Variants in RALYL observed in about 807,000 individuals in gnomAD.
RALYL encodes the protein RALY RNA binding protein like, also known as RNA-binding Raly-like protein.
Under a neutral mutation model 35.1 loss-of-function variants are expected in RALYL, and 29 were observed. That is an observed-to-expected ratio of 0.83 (90% CI 0.61 to 1.13). RALYL has a LOEUF of 1.13. Among genes scored for constraint, RALYL ranks in the 50% most tolerant of loss-of-function variants. The pLI, the probability that RALYL is intolerant of heterozygous loss-of-function variation, is 0.00. For synonymous variants in RALYL, 120 were observed against 127.6 expected, an observed-to-expected ratio of 0.94 and a Z score of 0.40; for missense variants, 359 against 360.4, an observed-to-expected ratio of 1.00 and a Z score of 0.03.
chr8:84,562,910 T>G (rs1359487270), intron 2 of RALYL, among the ~76,000 whole-genome samples: 1 of 151,932 alleles, frequency 6.6e-6, no homozygotes, highest in Non-Finnish European at 1.5e-5. Context: ...ATATGTGCAT[T>G]ATAGAAGCCT....
At chr8:84,831,339 G>A (rs1370712305) in intron 4 of RALYL, among the ~76,000 whole-genome samples, 1 of 151,684 alleles carries the variant, frequency 6.6e-6, no homozygotes, top group Non-Finnish European at 1.5e-5. Flanking sequence ...GAATTTTTGT[G>A]GGAAAGGATT....
chr8:84,322,306 A>G (rs2130436432), intron 1 of RALYL, among the ~76,000 whole-genome samples: 1 of 152,260 alleles, frequency 6.6e-6, no homozygotes, highest in South Asian at 2.1e-4. Context: ...GGAAAGTGAT[A>G]GAGGAGAAGA....
chr8:84,461,730 T>C (rs1354109892), intron 1 of RALYL, among the ~76,000 whole-genome samples: 5 of 151,796 alleles, frequency 3.3e-5, no homozygotes, highest in Non-Finnish European at 7.4e-5. Flanking sequence ...TTTACTGTAA[T>C]TGGGATTCGA....
At chr8:84,450,347 A>G (rs1419615152) in intron 1 of RALYL, among the ~76,000 whole-genome samples, 2 of 152,000 alleles carry the variant, frequency 1.3e-5, no homozygotes, top group Admixed American at 1.3e-4. Context: ...GAGTAATAAT[A>G]TGGGCTGATG....
At chr8:84,527,646 C>T (rs2058997985) in intron 1 of RALYL, among the ~76,000 whole-genome samples, 2 of 152,058 alleles carry the variant, frequency 1.3e-5, no homozygotes, top group South Asian at 4.2e-4. Context: ...TTCATTAATT[C>T]TCAGAGCATT....
At chr8:84,373,704 C>T (rs988915160) in intron 1 of RALYL, among the ~76,000 whole-genome samples, 1 of 151,912 alleles carries the variant, frequency 6.6e-6, no homozygotes, top group Non-Finnish European at 1.5e-5. Context: ...AATTCAGGCT[C>T]TTTTATGGAT....
intron 1 of RALYL, among the ~76,000 whole-genome samples, chr8:84,263,279 C>G (rs116853809): frequency 6.6e-6 from 1 of 152,078 alleles, no homozygotes; most frequent in African/African-American, 2.4e-5. Context: ...GTTTATTACT[C>G]ATAACCATAG....
At chr8:84,368,946 C>A (rs918688020) in intron 1 of RALYL, among the ~76,000 whole-genome samples, 2 of 152,146 alleles carry the variant, frequency 1.3e-5, no homozygotes, top group Non-Finnish European at 2.9e-5. Context: ...GTTTGTCTGG[C>A]ACGTTAGTTT....
intron 2 of RALYL, among the ~76,000 whole-genome samples, chr8:84,541,337 T>G (rs996461462): frequency 6.6e-6 from 1 of 152,006 alleles, no homozygotes; most frequent in Non-Finnish European, 1.5e-5. Context: ...CTAGTTCATG[T>G]CTATATTTCT....
intron 1 of RALYL, among the ~76,000 whole-genome samples, chr8:84,389,290 G>A (rs1395423842): frequency 2.6e-5 from 4 of 152,078 alleles, no homozygotes; most frequent in Admixed American, 1.3e-4. Context: ...GCTTCCAGCT[G>A]TGTTCTTTTG....
intron 1 of RALYL, among the ~76,000 whole-genome samples, chr8:84,515,260 T>C (rs1217120957): frequency 6.6e-6 from 1 of 152,150 alleles, no homozygotes; most frequent in Non-Finnish European, 1.5e-5. Context: ...GGCTTTTTCT[T>C]TATGCATGAA....
At chr8:84,468,854 T>G (rs2052198938) in intron 1 of RALYL, among the ~76,000 whole-genome samples, 1 of 152,082 alleles carries the variant, frequency 6.6e-6, no homozygotes, top group African/African-American at 2.4e-5. Flanking sequence ...TTTTTATTCT[T>G]TTTTCTCTAG....
intron 2 of RALYL, among the ~76,000 whole-genome samples, chr8:84,614,349 A>G (rs1818962916): frequency 6.6e-6 from 1 of 151,680 alleles, no homozygotes; most frequent in Non-Finnish European, 1.5e-5. Context: ...ATGAAATCAC[A>G]AAGGCCATCT....
chr8:84,675,428 C>T (rs182467869), intron 2 of RALYL, among the ~76,000 whole-genome samples: 45 of 151,930 alleles, frequency 3.0e-4, no homozygotes, highest in African/African-American at 7.0e-4. Flanking sequence ...AGGAGATAGG[C>T]GAACTGAATG....
chr8:84,345,105 T>C, intron 1 of RALYL, among the ~76,000 whole-genome samples: 1 of 151,736 alleles, frequency 6.6e-6, no homozygotes, highest in African/African-American at 2.4e-5. Flanking sequence ...TTCTCTTTTT[T>C]TTTTTTTTTA....
chr8:84,921,676 T>A lies in RALYL; in HGVS notation c.*765T>A, dbSNP rs1849324804. On this transcript the variant is annotated 3_prime_UTR_variant, in exon 9 of 9. Coordinates refer to ENST00000521268, the MANE Select transcript of RALYL (RefSeq NM_173848.7). ...AGTTTAAATTAGTGCATACATCATGTCATTTCACCTCCTGTTCCTAGGAAC... is the reference window on the plus strand; with the variant it reads ...AGTTTAAATTAGTGCATACATCATGACATTTCACCTCCTGTTCCTAGGAAC... 6.6e-6 allele frequency: 1 copy of A among 152,162 alleles called. No homozygotes were observed. The highest frequency in any genetic ancestry group is 1.5e-5 in the Non-Finnish European group (1 of 68,006). 9.4% of individuals were successfully genotyped at this position (152,162 alleles called of 1,614,324 possible). A position where few individuals can be genotyped will look rare whatever the true frequency, so the allele number is the denominator to read the frequency against.
intron 1 of RALYL, among the ~76,000 whole-genome samples, chr8:84,221,808 A>G (rs969991210): frequency 1.2e-4 from 19 of 152,088 alleles, no homozygotes; most frequent in Non-Finnish European, 4.4e-5. Context: ...TCACTGGAAT[A>G]AAAATGGAAT....
At chr8:84,459,810 C>T (rs711018) in intron 1 of RALYL, among the ~76,000 whole-genome samples, 5,953 of 151,812 alleles carry the variant, frequency 0.039, 158 homozygotes, top group Middle Eastern at 0.075. Flanking sequence ...ACTGAGAACT[C>T]ATCTGCGAAG....
At chr8:84,367,338 T>TTTG (rs1854639609) in intron 1 of RALYL, among the ~76,000 whole-genome samples, 2 of 64,626 alleles carry the variant, frequency 3.1e-5, no homozygotes, top group Non-Finnish European at 5.4e-5. Context: ...TTTTTTTTTT[T>TTTG]TTTTTTTTTT....
Sources: allele counts gnomAD v4.1 joint callset (sites outside exome capture counted in the v4.1 genomes callset), GRCh38; gene constraint gnomAD v4.1.1; transcripts MANE v1.5; gene names NCBI Gene and HGNC (gene_info 2026-07-23, HGNC 2026-07-21).